The following SLC12A7 variants were observed in gnomAD, a reference collection of about 807,000 sequenced individuals.
SLC12A7 encodes solute carrier family 12 member 7, also known as K-Cl cotransporter 4.
SLC12A7 carries 100 observed loss-of-function variants against 120.6 expected under a neutral mutation model. The ratio of observed to expected loss-of-function variants is 0.83; its 90% CI spans 0.71 to 0.98. The LOEUF (loss-of-function observed/expected upper bound fraction) is 0.98. Among genes scored for constraint, SLC12A7 ranks in the 50% least tolerant of loss-of-function variants. The pLI, the probability that SLC12A7 is intolerant of heterozygous loss-of-function variation, is 0.00. For missense variants in SLC12A7, 1,373 were observed against 1,548.1 expected (o/e 0.89, Z 1.90); for synonymous variants, 760 against 678.0 (o/e 1.12, Z -1.88).
In SLC12A7 at chr5:1,088,202, G is replaced by A. The variant is rs145502850; in HGVS notation, c.544+104C>T. On this transcript the variant is annotated intron_variant, in intron 5 of 23. Transcript: ENST00000264930. Reference sequence around the variant, plus strand: ...AAGGCCCGGCTGAGACCCCCAGGCAGCCCCCGGCCCGGCCTCGCCAAGCGG... The same window carrying A: ...AAGGCCCGGCTGAGACCCCCAGGCAACCCCCGGCCCGGCCTCGCCAAGCGG... 7.2e-5 allele frequency: 84 copies of A among 1,168,152 alleles called. 1 individual carries two copies. In the East Asian group the frequency reaches 2.2e-3, roughly 30 times the overall value. 72.4% of individuals were successfully genotyped at this position (1,168,152 alleles called of 1,614,324 possible).
At chr5:1,074,528 C>G (rs753217467) in intron 16 of SLC12A7, 39 bp downstream of exon 16, 19 of 1,565,662 alleles carry the variant, frequency 1.2e-5, no homozygotes, top group Non-Finnish European at 8.7e-7. Context: ...AACAGCTCTT[C>G]TGTGCGTCTG....
At chr5:1,133,852 A>G in the SLC12A7 span, among the ~76,000 whole-genome samples, 20 of 151,892 alleles carry the variant, frequency 1.3e-4, no homozygotes, top group African/African-American at 4.8e-4. Flanking sequence ...TCCCTGACCA[A>G]CCGAGGCAGC....
At position 1,075,417 on chromosome 5, in the gene SLC12A7, C is replaced by G. The variant is rs372556472; in HGVS notation, c.1921G>C (p.Ala641Pro). 3.1e-6 allele frequency: 5 copies of G among 1,612,320 alleles called. No homozygotes were observed. In the African/African-American group the frequency reaches 6.7e-5, roughly 22 times the overall value. ...TAGATGCAGCCAGCGATGAGCATGG[C>G]GGACAGCGCGTAGTACCAGGAGCAG... The part of the protein sequence containing the change: ...FICSWYYALS[A>P]MLIAGCIYKY... Residue 641 changes from alanine (A) to proline (P), a missense_variant, in exon 15 of 24, where the codon GCC (alanine) becomes CCC (proline). Physicochemically the swap from Ala to Pro is conservative, Grantham distance 27 (BLOSUM62 -1). Coordinates refer to ENST00000264930, the MANE Select transcript of SLC12A7 (RefSeq NM_006598.3).
the SLC12A7 span, among the ~76,000 whole-genome samples, chr5:1,139,416 C>A: frequency 6.6e-6 from 1 of 152,280 alleles, no homozygotes; most frequent in Non-Finnish European, 1.5e-5. Context: ...GGGCCCCAAA[C>A]CAAGAGGCGG....
Position 1,052,297 on chromosome 5 carries a change from C to G in SLC12A7, c.*63G>C, listed in dbSNP as rs781314229. On this transcript the variant is annotated 3_prime_UTR_variant, in exon 24 of 24. Transcript: ENST00000264930. ...GCCGTCTGTTTCCCTGGGCCAAGCC[C>G]AGGCCCAGGCTGCCCACGCCGTCCT... 7.2e-7 allele frequency: 1 copy of G among 1,389,492 alleles called. No individual in the cohort carries two copies. The highest frequency in any genetic ancestry group is 1.0e-6 in the Non-Finnish European group (1 of 977,982). 86.1% of individuals were successfully genotyped at this position (1,389,492 alleles called of 1,614,324 possible). A position where few individuals can be genotyped will look rare whatever the true frequency, so the allele number is the denominator to read the frequency against.
chr5:1,092,591 C>G (rs563534817), intron 3 of SLC12A7, among the ~76,000 whole-genome samples: 118 of 152,258 alleles, frequency 7.7e-4, no homozygotes, highest in Non-Finnish European at 1.3e-3. Context: ...CCAACGTATG[C>G]CCTTAGCTGT....
At chr5:1,107,264 G>A (rs1172357795) in intron 1 of SLC12A7, among the ~76,000 whole-genome samples, 2 of 152,222 alleles carry the variant, frequency 1.3e-5, no homozygotes, top group Non-Finnish European at 2.9e-5. Context: ...CTTAACCTCG[G>A]CAAATAAACC....
chr5:1,107,910 C>G (rs1742652801), intron 1 of SLC12A7, among the ~76,000 whole-genome samples: 1 of 152,186 alleles, frequency 6.6e-6, no homozygotes, highest in Non-Finnish European at 1.5e-5. Flanking sequence ...CCTCACCACT[C>G]ACTGATGGGC....
chr5:1,076,001 G>A, intron 14 of SLC12A7, 137 bp downstream of exon 14: 2 of 676,602 alleles, frequency 3.0e-6, no homozygotes, highest in South Asian at 3.8e-5. Flanking sequence ...CAGGCCCAGA[G>A]CAGCTGGCCT....
rs571815730 is a variant in SLC12A7 at position 1,058,885 on chromosome 5, A to C, written c.2848-1236T>G. 4.2e-3 allele frequency among the ~76,000 whole-genome samples: 76 copies of C among 18,096 alleles called. No homozygotes were observed. The East Asian group carries it at 0.47, about 113-fold the overall frequency. The allele number at this position is 18,096 out of a possible 152,430, so 11.9% of individuals were successfully genotyped here. On this transcript the variant is annotated intron_variant, in intron 21 of 23. Transcript: ENST00000264930. The stretch of plus-strand genomic sequence containing the variant: ...CCACCCAGCGTCTGCACAGCAGCTC[A>C]TCCAAACCCTTCTGCAGAGCGGTGA...
In SLC12A7 at chr5:1,076,821, A is replaced by G. The variant is rs1255217761; in HGVS notation, c.1630-9T>C. On this transcript the variant is annotated splice_polypyrimidine_tract_variant and intron_variant, in intron 12 of 23. Coordinates refer to ENST00000264930, the MANE Select transcript of SLC12A7 (RefSeq NM_006598.3). Reference sequence around the variant, plus strand: ...TTCCCGTGGCCAAACACCTGCAGGGAGAAGGGCAGGAAGATGGGGCAGATG... The same window carrying G: ...TTCCCGTGGCCAAACACCTGCAGGGGGAAGGGCAGGAAGATGGGGCAGATG... 5.0e-6 allele frequency: 8 copies of G among 1,590,994 alleles called. No homozygotes were observed. The highest frequency in any genetic ancestry group is 4.3e-6 in the Non-Finnish European group (5 of 1,164,208).
Position 1,101,375 on chromosome 5 carries a change from G to A in SLC12A7, c.125-7127C>T, listed in dbSNP as rs904720175. On this transcript the variant is annotated intron_variant, in intron 1 of 23. Transcript: ENST00000264930. ...TCAACAGAACCTGCCCCAAGCAGAC[G>A]TGCCCGGGACTGACAGCGTCTGGCC... Among the ~76,000 whole-genome samples, 18 of 152,272 alleles carry A rather than the reference G, an allele frequency of 1.2e-4. No homozygotes were observed. The South Asian group carries it at 2.1e-3, about 18-fold the overall frequency.
the SLC12A7 span, among the ~76,000 whole-genome samples, chr5:1,146,520 C>T: frequency 3.4e-4 from 51 of 152,226 alleles, 1 homozygote; most frequent in African/African-American, 1.2e-3. This position sits in a 1 kb window ranked among gnomAD's most constrained non-coding sequence, Gnocchi z 6.5. Context: ...GACCCCTCCT[C>T]TGGGCCAGGA....
chr5:1,073,810 A>G lies in SLC12A7; in HGVS notation c.2073-9T>C. ...TCACCAGCACCTGGGGCCTGCAGCC[A>G]GGGTGGGGCGGCTGTTACCACGGCA... is the stretch of plus-strand genomic sequence containing the variant. On this transcript the variant is annotated splice_polypyrimidine_tract_variant and intron_variant, in intron 16 of 23. Coordinates refer to ENST00000264930, the MANE Select transcript of SLC12A7 (RefSeq NM_006598.3). 2.1e-6 allele frequency: 3 copies of G among 1,403,548 alleles called. No individual in the cohort carries two copies. Among genetic ancestry groups the G allele is most frequent in the Non-Finnish European group, 2.8e-6 (3 of 1,070,416 alleles). The allele number at this position is 1,403,548 out of a possible 1,614,324, so 86.9% of individuals were successfully genotyped here.
At chr5:1,130,515 C>A in the SLC12A7 span, among the ~76,000 whole-genome samples, 1 of 152,186 alleles carries the variant, frequency 6.6e-6, no homozygotes, top group Non-Finnish European at 1.5e-5. Context: ...GCTGCACACG[C>A]GTGTCCCCTC....
At chr5:1,064,857 G>C (rs1465626122) in intron 18 of SLC12A7, among the ~76,000 whole-genome samples, 59 of 129,654 alleles carry the variant, frequency 4.6e-4, no homozygotes, top group Non-Finnish European at 7.0e-4. Context: ...GCGAGGAGAC[G>C]GCGAGGGGAC....
At chr5:1,053,922 G>A (rs1260742016) in intron 22 of SLC12A7, among the ~76,000 whole-genome samples, 2 of 152,228 alleles carry the variant, frequency 1.3e-5, no homozygotes, top group African/African-American at 4.8e-5. Flanking sequence ...GTCAGACACT[G>A]CCAAACACAG....
At chr5:1,106,456 A>G (rs1742537255) in intron 1 of SLC12A7, among the ~76,000 whole-genome samples, 2 of 149,840 alleles carry the variant, frequency 1.3e-5, no homozygotes, top group Non-Finnish European at 1.5e-5. Flanking sequence ...TGTCTCAAAA[A>G]AAAAAAAAAA....
rs143857747 is a variant in SLC12A7, at chr5:1,090,677, C to T, written c.343-1549G>A. Among the ~76,000 whole-genome samples the T allele has an allele frequency of 4.3e-3, 655 of 152,308 alleles. 4 individuals are homozygous for T. The highest frequency in any genetic ancestry group is 0.015 in the African/African-American group (603 of 41,578). ...ACAGGCAGAGCTCCAGGCAGAGACG[C>T]GGTCCACACAGGGGCCCCTGCCCTC... On this transcript the variant is annotated intron_variant, in intron 3 of 23. Coordinates refer to ENST00000264930, the MANE Select transcript of SLC12A7 (RefSeq NM_006598.3).
Sources: allele counts gnomAD v4.1 joint callset (sites outside exome capture counted in the v4.1 genomes callset), GRCh38; gene constraint gnomAD v4.1.1; non-coding constraint Gnocchi (gnomAD v3.1); transcripts MANE v1.5; gene names NCBI Gene and HGNC (gene_info 2026-07-23, HGNC 2026-07-21).